Variants in TPO observed in about 807,000 individuals in gnomAD.
TPO encodes thyroid peroxidase, also known as thyroid microsomal antigen.
TPO carries 78 observed loss-of-function variants against 96.9 expected under a neutral mutation model. The observed-to-expected ratio is 0.81, with a 90% confidence interval of 0.67 to 0.97. TPO has a LOEUF of 0.97. TPO is among the 50% of genes least tolerant of loss of function. TPO has a pLI of 0.00. For synonymous variants in TPO, 547 were observed against 538.0 expected (o/e 1.02, Z -0.23); for missense variants, 1,252 against 1,274.8 (o/e 0.98, Z 0.27).
At chr2:1,387,284 T>C (rs1190860476) in intron 1 of TPO, among the ~76,000 whole-genome samples, 4 of 152,248 alleles carry the variant, frequency 2.6e-5, no homozygotes, top group Non-Finnish European at 5.9e-5. Flanking sequence ...GATGTTCTCC[T>C]GGATAATATA....
chr2:1,464,628 T>C (rs1668734511), intron 7 of TPO, among the ~76,000 whole-genome samples: 1 of 152,196 alleles, frequency 6.6e-6, no homozygotes, highest in Non-Finnish European at 1.5e-5. Context: ...GTGTTGTGTT[T>C]TGATTTGCAT....
At chr2:1,475,585 G>A (rs1302095986) in intron 7 of TPO, among the ~76,000 whole-genome samples, 5 of 151,956 alleles carry the variant, frequency 3.3e-5, no homozygotes, top group Admixed American at 6.6e-5. Context: ...CACCGCGCCC[G>A]GCTAATTTTT....
rs1680636650 is a variant in TPO at position 1,540,645 on chromosome 2, A to G, written c.2670A>G (p.Gly890=). The change falls in exon 16 of 17, where the codon GGA becomes GGG. Residue 890 remains glycine (G), a synonymous_variant. Transcript: ENST00000329066. ...TGCCCATCTCGGAGACAGGCGGAGG[A>G]ACTCCCGAGCTGAGATGCGGAAAGC... is the stretch of plus-strand genomic sequence containing the variant. ...STLPISETGG[G]TPELRCGKHQ... is the part of the protein sequence containing the mutation. 6.2e-7 allele frequency: 1 copy of G among 1,613,506 alleles called. No individual in the cohort carries two copies. Among genetic ancestry groups the G allele is most frequent in the South Asian group, 1.1e-5 (1 of 91,076 alleles).
intron 15 of TPO, among the ~76,000 whole-genome samples, chr2:1,528,760 G>A (rs7368786): frequency 0.67 from 61,656 of 91,672 alleles, 17,368 homozygotes; most frequent in South Asian, 0.72. Context: ...ACTGTGTGCA[G>A]CCTCCTCAAA....
At position 1,542,759 on chromosome 2, in the gene TPO, C is replaced by T. The variant is rs2280127; in HGVS notation, c.*285C>T. 0.22 allele frequency: 177,044 copies of T among 798,736 alleles called. 22,568 individuals carry two copies. Among genetic ancestry groups the T allele is most frequent in the African/African-American group, 0.47 (27,125 of 57,540 alleles). 49.5% of individuals were successfully genotyped at this position (798,736 alleles called of 1,614,324 possible). On this transcript the variant is annotated 3_prime_UTR_variant, in exon 17 of 17. Coordinates refer to ENST00000329066, the MANE Select transcript of TPO (RefSeq NM_001206744.2). The stretch of plus-strand genomic sequence containing the variant: ...TTTATTTTGTGAACCCTGGAAACAC[C>T]ACTCTTGCAATCCTCCTGTCTCCAC...
intron 10 of TPO, among the ~76,000 whole-genome samples, chr2:1,490,416 CGAGG>C (rs1409352636): frequency 9.5e-5 from 10 of 105,438 alleles, no homozygotes; most frequent in Admixed American, 1.9e-4. Flanking sequence ...AGAGCCGCCA[CGAGG>C]GTCCCACACA....
chr2:1,519,813 C>T (rs1011288551), intron 15 of TPO, among the ~76,000 whole-genome samples: 9 of 152,130 alleles, frequency 5.9e-5, no homozygotes, highest in African/African-American at 2.2e-4. Context: ...ACATCTATCA[C>T]ATTATCATTA....
At chr2:1,536,916 AC>A (rs1679809501) in intron 15 of TPO, among the ~76,000 whole-genome samples, 1 of 102,590 alleles carries the variant, frequency 9.7e-6, no homozygotes, top group Non-Finnish European at 1.9e-5. Context: ...ACTGTTTGCA[AC>A]CTCCCAAATC....
At chr2:1,480,127 G>C (rs538443451) in intron 8 of TPO, among the ~76,000 whole-genome samples, 1 of 152,118 alleles carries the variant, frequency 6.6e-6, no homozygotes, top group Non-Finnish European at 1.5e-5. Flanking sequence ...CAACCAATAG[G>C]AAAAGTGTTC....
intron 1 of TPO, among the ~76,000 whole-genome samples, chr2:1,380,105 A>G (rs965170113): frequency 1.3e-5 from 2 of 152,156 alleles, no homozygotes; most frequent in Non-Finnish European, 2.9e-5. Flanking sequence ...ATGAAAATCT[A>G]ATTTATTGGC....
At chr2:1,472,023 A>G (rs1158360647) in intron 7 of TPO, among the ~76,000 whole-genome samples, 2 of 151,082 alleles carry the variant, frequency 1.3e-5, no homozygotes, top group East Asian at 3.9e-4. Flanking sequence ...TAGCATACCC[A>G]TCCCATTCTT....
intron 2 of TPO, among the ~76,000 whole-genome samples, chr2:1,420,120 C>A (rs946228905): frequency 2.0e-5 from 3 of 152,102 alleles, no homozygotes; most frequent in Non-Finnish European, 4.4e-5. Context: ...TAATAATCTG[C>A]AAGCCTATAA....
At chr2:1,500,830 G>T (rs542538325) in intron 13 of TPO, among the ~76,000 whole-genome samples, 1 of 152,124 alleles carries the variant, frequency 6.6e-6, no homozygotes, top group East Asian at 1.9e-4. Flanking sequence ...AAATTAGCCG[G>T]GCATGGTGGT....
At chr2:1,490,418 A>T (rs369269661) in intron 10 of TPO, among the ~76,000 whole-genome samples, 14 of 80,202 alleles carry the variant, frequency 1.7e-4, no homozygotes, top group Admixed American at 5.3e-4. Context: ...AGCCGCCACG[A>T]GGGTCCCACA....
At chr2:1,410,899 C>T (rs1662322790), upstream of TPO, among the ~76,000 whole-genome samples, 1 of 152,172 alleles carries the variant, frequency 6.6e-6, no homozygotes, top group East Asian at 1.9e-4. Flanking sequence ...CTCACTGAGT[C>T]TCCCCTGCAA....
chr2:1,528,494 C>A (rs532948916), intron 15 of TPO, among the ~76,000 whole-genome samples: 2 of 148,224 alleles, frequency 1.3e-5, no homozygotes, highest in African/African-American at 5.1e-5. Flanking sequence ...TCAAATCCCC[C>A]CTTCTGTGCA....
At chr2:1,489,203 A>AGCACATGCCCAGCACACGCCT (rs1223101604) in intron 10 of TPO, among the ~76,000 whole-genome samples, 2 of 141,858 alleles carry the variant, frequency 1.4e-5, no homozygotes, top group East Asian at 2.2e-4. Context: ...TCACATGCCC[A>AGCACATGCCCAGCACACGCCT]GCACATGCCC....
rs1673880430 is a variant in TPO, at chr2:1,509,725, G to GGGATAC, written c.2518+5646_2518+5647insGGATAC. On this transcript the variant is annotated intron_variant, in intron 14 of 16. Coordinates refer to ENST00000329066, the MANE Select transcript of TPO (RefSeq NM_001206744.2). The stretch of plus-strand genomic sequence containing the variant: ...CACCCCCCTTCTTCTGTCAGGCACA[G>GGGATAC]CCCACCCTCTTGTTTCAGGGACACC... 1.5e-5 allele frequency among the ~76,000 whole-genome samples: 2 copies of GGGATAC among 137,696 alleles called. 1 individual carries two copies. Among genetic ancestry groups the GGGATAC allele is most frequent in the Non-Finnish European group, 3.1e-5 (2 of 65,530 alleles). 90.3% of individuals were successfully genotyped at this position (137,696 alleles called of 152,430 possible).
rs148351157 is a variant in TPO at position 1,459,100 on chromosome 2, A to C, written c.819+2818A>C. ...GAAAAGAAAGAGACAATATAGGTAG[A>C]TTTTTAATTTTATTTCTCTCTGGAA... On this transcript the variant is annotated intron_variant, in intron 7 of 16. Coordinates refer to ENST00000329066, the MANE Select transcript of TPO (RefSeq NM_001206744.2). Among the ~76,000 whole-genome samples, 879 of 152,182 alleles carry C rather than the reference A, an allele frequency of 5.8e-3. 8 individuals are homozygous for C. The highest frequency in any genetic ancestry group is 0.02 in the African/African-American group (818 of 41,520).
Sources: gnomAD v4.1 joint callset for allele counts (sites outside exome capture counted in the v4.1 genomes callset) on GRCh38, gnomAD v4.1.1 for gene constraint, MANE v1.5 for transcripts, NCBI Gene and HGNC (gene_info 2026-07-23, HGNC 2026-07-21) for gene names.